The following ARHGEF17 variants were observed in gnomAD, a reference collection of about 807,000 sequenced individuals.
ARHGEF17 encodes 164 kDa Rho-specific guanine-nucleotide exchange factor.
A neutral mutation model predicts 174.0 loss-of-function variants in ARHGEF17; 80 were observed. The observed-to-expected ratio is 0.46, with a 90% confidence interval of 0.38 to 0.55. ARHGEF17 has a LOEUF of 0.55. Among genes scored for constraint, ARHGEF17 ranks in the 20% least tolerant of loss-of-function variants. ARHGEF17 has a pLI of 0.00. For synonymous variants in ARHGEF17, 1,311 were observed against 1,189.1 expected, an observed-to-expected ratio of 1.10 and a Z score of -2.11; for missense variants, 2,886 against 2,839.7, an observed-to-expected ratio of 1.02 and a Z score of -0.37.
chr11:73,309,161 ACATGCTTCC>A lies in ARHGEF17; in HGVS notation c.525_533del (p.Cys176_Pro178del). On this transcript the variant is annotated inframe_deletion, in exon 1 of 21. Transcript: ENST00000263674. ...GCAGCCACCGACGCCACCCCCTCGG[ACATGCTTCC>A]CCCTGGCGGGTCTGCGTTCGGCGCG... 6.3e-7 allele frequency: 1 copy of A among 1,589,928 alleles called. No individual in the cohort carries two copies. The highest frequency in any genetic ancestry group is 8.6e-7 in the Non-Finnish European group (1 of 1,169,152).
At chr11:73,325,917 C>T (rs1192397379) in intron 1 of ARHGEF17, among the ~76,000 whole-genome samples, 3 of 152,350 alleles carry the variant, frequency 2.0e-5, no homozygotes, top group Admixed American at 6.5e-5. Context: ...GACTGAGAAC[C>T]GGGGTGTTCA....
At position 73,327,838 on chromosome 11, in the gene ARHGEF17, G is replaced by A. The variant is rs181510746; in HGVS notation, c.3192+16008G>A. Among the ~76,000 whole-genome samples the A allele has an allele frequency of 5.1e-5, 7 of 136,222 alleles. No individual in the cohort carries two copies. The East Asian group carries it at 1.4e-3, about 26-fold the overall frequency. 89.4% of individuals were successfully genotyped at this position (136,222 alleles called of 152,430 possible). A position where few individuals can be genotyped will look rare whatever the true frequency, so the allele number is the denominator to read the frequency against. On this transcript the variant is annotated intron_variant, in intron 1 of 20. Coordinates refer to ENST00000263674, the MANE Select transcript of ARHGEF17 (RefSeq NM_014786.4). ...GTTAGTGTAATGGTTAGAACAGACT[G>A]AAGCCAGATGGCTTTCTTCAAATCC...
At chr11:73,313,184 G>A (rs1864870257) in intron 1 of ARHGEF17, among the ~76,000 whole-genome samples, 1 of 152,138 alleles carries the variant, frequency 6.6e-6, no homozygotes, top group South Asian at 2.1e-4. Context: ...TGGCTCTGGG[G>A]TTTCTCATGG....
Position 73,368,105 on chromosome 11 carries a change from G to T in ARHGEF17, c.*325G>T, listed in dbSNP as rs181933768. ...ACCCCACGGGGCTGGGGAGGGCCAT[G>T]TGCAATATTTGGAGGGTTTTCTGGA... On this transcript the variant is annotated 3_prime_UTR_variant, in exon 21 of 21. Transcript: ENST00000263674. 4 of 277,938 alleles carry T rather than the reference G, an allele frequency of 1.4e-5. No homozygotes were observed. In the East Asian group the frequency reaches 2.5e-4, roughly 17 times the overall value. 17.2% of individuals were successfully genotyped at this position (277,938 alleles called of 1,614,324 possible). A position where few individuals can be genotyped will look rare whatever the true frequency, so the allele number is the denominator to read the frequency against.
intron 12 of ARHGEF17, among the ~76,000 whole-genome samples, chr11:73,361,626 C>T (rs1865739343): frequency 6.6e-6 from 1 of 151,992 alleles, no homozygotes; most frequent in African/African-American, 2.4e-5. Flanking sequence ...CTTTGTGGGG[C>T]CAAGTTAGGA....
rs1192250768 is a variant in ARHGEF17 at position 73,309,826 on chromosome 11, G to C, written c.1188G>C (p.Thr396=). ...GCGGTAGCAGCCGTTATTCCAGCACGGAGACCCTCAAGGACGACGACCTAT... is the reference window on the plus strand; with the variant it reads ...GCGGTAGCAGCCGTTATTCCAGCACCGAGACCCTCAAGGACGACGACCTAT... ...GSRGSSRYSS[T]ETLKDDDLWS... The change falls in exon 1 of 21, where the codon ACG becomes ACC. Residue 396 remains threonine, a synonymous_variant. Transcript: ENST00000263674. 1.2e-6 allele frequency: 2 copies of C among 1,613,154 alleles called. No individual in the cohort carries two copies. Among genetic ancestry groups the C allele is most frequent in the Non-Finnish European group, 1.7e-6 (2 of 1,180,018 alleles).
At chr11:73,351,650 C>T (rs1031772187) in intron 2 of ARHGEF17, among the ~76,000 whole-genome samples, 1 of 152,048 alleles carries the variant, frequency 6.6e-6, no homozygotes, top group East Asian at 1.9e-4. Context: ...GGCGCGATCT[C>T]GGCTCACTGC....
chr11:73,328,530 G>A (rs1354709655), intron 1 of ARHGEF17, among the ~76,000 whole-genome samples: 2 of 152,228 alleles, frequency 1.3e-5, no homozygotes, highest in African/African-American at 4.8e-5. Context: ...ACCCAAGGCA[G>A]GGGTTGAGCG....
intron 1 of ARHGEF17, among the ~76,000 whole-genome samples, chr11:73,322,311 G>T (rs556927351): frequency 6.6e-6 from 1 of 152,342 alleles, no homozygotes; most frequent in Non-Finnish European, 1.5e-5. Context: ...AGGGCAGGAG[G>T]AGGAAGAAAA....
chr11:73,311,950 C>A, intron 1 of ARHGEF17, 120 bp downstream of exon 1: 2 of 1,193,504 alleles, frequency 1.7e-6, no homozygotes, highest in Non-Finnish European at 2.3e-6. Flanking sequence ...GGGTGCTTTT[C>A]TGGTCCTGGA....
At position 73,368,279 on chromosome 11, in the gene ARHGEF17, C is replaced by A. The variant is rs1865875810; in HGVS notation, c.*499C>A. 1 of 153,662 alleles carries A rather than the reference C, an allele frequency of 6.5e-6. No homozygotes were observed. Among genetic ancestry groups the A allele is most frequent in the East Asian group, 1.9e-4 (1 of 5,224 alleles). 9.5% of individuals were successfully genotyped at this position (153,662 alleles called of 1,614,324 possible). A position where few individuals can be genotyped will look rare whatever the true frequency, so the allele number is the denominator to read the frequency against. Reference sequence around the variant, plus strand: ...ATGACATGAGGAAAAGAAACCTATTCCTGCCCTGGGGACCACCCTGGGACT... The same window carrying A: ...ATGACATGAGGAAAAGAAACCTATTACTGCCCTGGGGACCACCCTGGGACT... On this transcript the variant is annotated 3_prime_UTR_variant, in exon 21 of 21. Transcript: ENST00000263674.
rs764403313 is a variant in ARHGEF17, at chr11:73,310,313, C to G, written c.1675C>G (p.Pro559Ala). Reference sequence around the variant, plus strand: ...TGAGAAGCCCATGGCCCGCCGCCTGCCCCGCACCAGTGCTCTGAAGTCCAG... The same window carrying G: ...TGAGAAGCCCATGGCCCGCCGCCTGGCCCGCACCAGTGCTCTGAAGTCCAG... ...CSEKPMARRL[P>A]RTSALKSSSS... The change falls in exon 1 of 21, where the codon CCC becomes GCC. Residue 559 changes from proline to alanine, a missense_variant. Pro to Ala is a conservative substitution (Grantham distance 27). Coordinates refer to ENST00000263674, the MANE Select transcript of ARHGEF17 (RefSeq NM_014786.4). The G allele has an allele frequency of 4.3e-6, 7 of 1,613,700 alleles. No individual in the cohort carries two copies. In the East Asian group the frequency reaches 1.3e-4, roughly 31 times the overall value.
intron 1 of ARHGEF17, among the ~76,000 whole-genome samples, chr11:73,323,694 C>CCA (rs1346258576): frequency 2.0e-5 from 3 of 152,254 alleles, no homozygotes; most frequent in African/African-American, 7.2e-5. Flanking sequence ...CCAGCGGGGG[C>CCA]GTTGCCTGGG....
In ARHGEF17 at chr11:73,309,836, A is replaced by C; in HGVS notation, c.1198A>C (p.Lys400Gln). The change falls in exon 1 of 21, where the codon AAG becomes CAG. Residue 400 changes from lysine to glutamine, a missense_variant. By Grantham distance (53) the Lys-to-Gln change is moderately conservative. Coordinates refer to ENST00000263674, the MANE Select transcript of ARHGEF17 (RefSeq NM_014786.4). ...CCGTTATTCCAGCACGGAGACCCTCAAGGACGACGACCTATGGTCTAGTAG... is the reference window on the plus strand; with the variant it reads ...CCGTTATTCCAGCACGGAGACCCTCCAGGACGACGACCTATGGTCTAGTAG... Reference protein sequence around the residue: ...SSRYSSTETLKDDDLWSSRGS... With the variant: ...SSRYSSTETLQDDDLWSSRGS... 6.2e-7 allele frequency: 1 copy of C among 1,613,162 alleles called. No homozygotes were observed. Among genetic ancestry groups the C allele is most frequent in the Non-Finnish European group, 8.5e-7 (1 of 1,179,990 alleles).
In ARHGEF17 at chr11:73,308,902, C is replaced by T. The variant is rs1864744425; in HGVS notation, c.264C>T (p.Arg88=). Reference sequence around the variant, plus strand: ...CGTCGGTTCGCCAGCTCTCCCGGCGCTTCGACGCGCCGCGTCTGGACGACG... The same window carrying T: ...CGTCGGTTCGCCAGCTCTCCCGGCGTTTCGACGCGCCGCGTCTGGACGACG... ...LSPSVRQLSR[R]FDAPRLDDGS... Residue 88 remains arginine (R), a synonymous_variant, in exon 1 of 21, where the codon CGC becomes CGT. Coordinates refer to ENST00000263674, the MANE Select transcript of ARHGEF17 (RefSeq NM_014786.4). 2.2e-6 allele frequency: 3 copies of T among 1,365,682 alleles called. No individual in the cohort carries two copies. The East Asian group carries it at 9.3e-5, about 42-fold the overall frequency. The allele number at this position is 1,365,682 out of a possible 1,614,324, so 84.6% of individuals were successfully genotyped here.
intron 1 of ARHGEF17, among the ~76,000 whole-genome samples, chr11:73,314,838 C>T (rs991074840): frequency 1.3e-5 from 2 of 152,160 alleles, no homozygotes; most frequent in African/African-American, 4.8e-5. Flanking sequence ...GCCCCAGCCT[C>T]AAAGTGCAGA....
chr11:73,356,455 A>G, intron 6 of ARHGEF17, 104 bp downstream of exon 6: 1 of 1,379,222 alleles, frequency 7.3e-7, no homozygotes, highest in Non-Finnish European at 9.7e-7. Flanking sequence ...GGCTGTGTCC[A>G]TGTCCGGAAC....
At chr11:73,327,145 G>T (rs768696581) in intron 1 of ARHGEF17, among the ~76,000 whole-genome samples, 1 of 152,282 alleles carries the variant, frequency 6.6e-6, no homozygotes, top group Admixed American at 6.5e-5. Flanking sequence ...AGCTGGCTGG[G>T]CCCCACTTGA....
intron 7 of ARHGEF17, 86 bp from the exon 8 acceptor site, chr11:73,356,939 C>A (rs1865652340): frequency 6.6e-7 from 1 of 1,511,352 alleles, no homozygotes; most frequent in Non-Finnish European, 9.1e-7. Flanking sequence ...CTCCCTGGGT[C>A]TCAGTGTCCC....
Sources: allele counts gnomAD v4.1 joint callset (sites outside exome capture counted in the v4.1 genomes callset), GRCh38; gene constraint gnomAD v4.1.1; transcripts MANE v1.5; gene names NCBI Gene and HGNC (gene_info 2026-07-23, HGNC 2026-07-21).